PRLR: variants seen among roughly 807,000 people sequenced by gnomAD.
PRLR encodes the protein hPRL receptor.
A neutral mutation model predicts 40.2 loss-of-function variants in PRLR; 13 were observed. That is an observed-to-expected ratio of 0.32 (90% CI 0.21 to 0.51). The LOEUF (loss-of-function observed/expected upper bound fraction) is 0.51, where lower values mean the gene tolerates loss of function less well. Ranked by LOEUF, PRLR falls within the 20% of genes least tolerant of loss-of-function variation. The pLI is 0.97. For missense variants in PRLR, 656 were observed against 747.3 expected (o/e 0.88, Z 1.42); for synonymous variants, 269 against 278.7 (o/e 0.97, Z 0.35).
rs771683463 is a variant in PRLR at position 35,068,323 on chromosome 5, T to C, written c.786-38A>G. The C allele has an allele frequency of 1.8e-5, 28 of 1,561,226 alleles. No individual in the cohort carries two copies. The South Asian group carries it at 1.9e-4, about 11-fold the overall frequency. The stretch of plus-strand genomic sequence containing the variant: ...TCATGAGATTGGCTAAATGACTCAT[T>C]TCTGACTTTGTAATTTTTGAAAGGT... On this transcript the variant is annotated intron_variant, in intron 8 of 9. Coordinates refer to ENST00000618457, the MANE Select transcript of PRLR (RefSeq NM_000949.7).
At chr5:35,214,279 C>T (rs1420186758) in intron 1 of PRLR, among the ~76,000 whole-genome samples, 1 of 152,194 alleles carries the variant, frequency 6.6e-6, no homozygotes, top group Non-Finnish European at 1.5e-5. Context: ...GGCTCATAAC[C>T]TAGCTCTTCA....
intron 1 of PRLR, among the ~76,000 whole-genome samples, chr5:35,152,137 CGCG>C (rs1422081826): frequency 3.3e-5 from 5 of 152,044 alleles, no homozygotes; most frequent in Non-Finnish European, 7.4e-5. Context: ...AGGTATAATC[CGCG>C]TGATCCATTC....
chr5:35,218,091 T>C (rs931012963), intron 1 of PRLR, among the ~76,000 whole-genome samples: 2 of 152,232 alleles, frequency 1.3e-5, no homozygotes, highest in Non-Finnish European at 2.9e-5. Flanking sequence ...TGCAAAGATT[T>C]GAAATAGCTT....
chr5:35,086,807 C>A (rs73072963), intron 3 of PRLR, among the ~76,000 whole-genome samples: 1,873 of 152,146 alleles, frequency 0.012, 38 homozygotes, highest in African/African-American at 0.043. Flanking sequence ...GACACTCTGG[C>A]AAAACACCGC....
intron 1 of PRLR, among the ~76,000 whole-genome samples, chr5:35,132,290 C>A (rs1010399779): frequency 1.3e-5 from 2 of 152,110 alleles, no homozygotes; most frequent in African/African-American, 4.8e-5. Flanking sequence ...ACAGAACACT[C>A]AATACCATCA....
chr5:35,148,377 T>G (rs1579732217), intron 1 of PRLR, among the ~76,000 whole-genome samples: 1 of 152,148 alleles, frequency 6.6e-6, no homozygotes, highest in South Asian at 2.1e-4. Context: ...GGTAGAAGAT[T>G]CAGTTTCTAG....
intron 1 of PRLR, among the ~76,000 whole-genome samples, chr5:35,153,981 C>T (rs1009923489): frequency 1.3e-5 from 2 of 152,178 alleles, no homozygotes; most frequent in Non-Finnish European, 2.9e-5. Flanking sequence ...ATTTCAAAAC[C>T]AATCGCACAA....
intron 1 of PRLR, among the ~76,000 whole-genome samples, chr5:35,155,348 A>G (rs1205960723): frequency 2.0e-5 from 3 of 152,178 alleles, no homozygotes; most frequent in Non-Finnish European, 4.4e-5. Context: ...TGTGTGGCCA[A>G]GAAACAGAGG....
intron 8 of PRLR, chr5:35,049,494 T>C: frequency 3.1e-6 from 2 of 643,360 alleles, no homozygotes; most frequent in Non-Finnish European, 5.5e-6. Flanking sequence ...AAAAAGAAAA[T>C]AAATTATTCG....
At chr5:35,128,348 A>T (rs1052739947) in intron 1 of PRLR, among the ~76,000 whole-genome samples, 1 of 150,776 alleles carries the variant, frequency 6.6e-6, no homozygotes, top group African/African-American at 2.4e-5. Flanking sequence ...AGTCTTTGAT[A>T]CAAGACGTTG....
chr5:35,207,379 T>C (rs1038507538), intron 1 of PRLR, among the ~76,000 whole-genome samples: 3 of 152,024 alleles, frequency 2.0e-5, no homozygotes, highest in Non-Finnish European at 4.4e-5. Context: ...AGAGAGGAGA[T>C]AATGGAAGAA....
chr5:35,173,782 T>C (rs963493055), intron 1 of PRLR, among the ~76,000 whole-genome samples: 1 of 152,336 alleles, frequency 6.6e-6, no homozygotes, highest in Admixed American at 6.5e-5. Flanking sequence ...ATTGTTTATA[T>C]GCATTCCTTT....
At chr5:35,223,598 T>G (rs554513787) in intron 1 of PRLR, among the ~76,000 whole-genome samples, 3 of 152,380 alleles carry the variant, frequency 2.0e-5, no homozygotes, top group African/African-American at 7.2e-5. Context: ...CTTGTGTCTT[T>G]AGGCTTCCAG....
intron 8 of PRLR, among the ~76,000 whole-genome samples, chr5:35,050,257 C>T (rs1345142567): frequency 4.6e-5 from 7 of 152,292 alleles, no homozygotes; most frequent in Admixed American, 3.9e-4. Flanking sequence ...TACGTGATGT[C>T]CACAAAATCT....
intron 2 of PRLR, among the ~76,000 whole-genome samples, chr5:35,103,447 A>G (rs1772027248): frequency 6.6e-6 from 1 of 152,180 alleles, no homozygotes; most frequent in South Asian, 2.1e-4. Context: ...CCACTAGAAT[A>G]TTGGCTTGGC....
chr5:35,158,575 C>T (rs1774577827), intron 1 of PRLR, among the ~76,000 whole-genome samples: 1 of 152,110 alleles, frequency 6.6e-6, no homozygotes, highest in Non-Finnish European at 1.5e-5. Context: ...AACAGGCTTA[C>T]CTTGCCCAAT....
intron 4 of PRLR, among the ~76,000 whole-genome samples, chr5:35,085,064 T>A (rs935956835): frequency 1.3e-5 from 2 of 152,184 alleles, no homozygotes; most frequent in Non-Finnish European, 2.9e-5. Flanking sequence ...CACATACGTG[T>A]TGAATTACTT....
intron 1 of PRLR, among the ~76,000 whole-genome samples, chr5:35,149,343 C>T (rs1774276410): frequency 6.6e-6 from 1 of 152,024 alleles, no homozygotes; most frequent in Non-Finnish European, 1.5e-5. Flanking sequence ...AACTGGCTGA[C>T]CTAGTTTGGA....
intron 1 of PRLR, among the ~76,000 whole-genome samples, chr5:35,177,612 G>A (rs1004730199): frequency 1.3e-5 from 2 of 151,962 alleles, no homozygotes; most frequent in Non-Finnish European, 2.9e-5. Context: ...CATTTTTGAG[G>A]TTCATCTATG....
Sources: gnomAD v4.1 joint callset for allele counts (sites outside exome capture counted in the v4.1 genomes callset) on GRCh38, gnomAD v4.1.1 for gene constraint, MANE v1.5 for transcripts, NCBI Gene and HGNC (gene_info 2026-07-23, HGNC 2026-07-21) for gene names.